Variants in TENM2 observed in about 807,000 individuals in gnomAD.
TENM2 encodes the protein teneurin-2.
A neutral mutation model predicts 245.2 loss-of-function variants in TENM2; 52 were observed. The observed-to-expected ratio is 0.21, with a 90% confidence interval of 0.17 to 0.27. TENM2 has a LOEUF of 0.27. Ranked by LOEUF, TENM2 falls within the 10% of genes least tolerant of loss-of-function variation. The pLI, the probability that TENM2 is intolerant of heterozygous loss-of-function variation, is 1.00. For synonymous variants in TENM2, 1,363 were observed against 1,438.9 expected (o/e 0.95, Z 1.19); for missense variants, 3,046 against 3,666.8 (o/e 0.83, Z 4.37).
intron 2 of TENM2, among the ~76,000 whole-genome samples, chr5:167,502,928 C>G (rs977579202): frequency 6.6e-6 from 1 of 152,184 alleles, no homozygotes; most frequent in African/African-American, 2.4e-5. Context: ...CTCCTGGGTT[C>G]AAGCAATCCT....
At chr5:167,498,008 A>T (rs570245747) in intron 2 of TENM2, among the ~76,000 whole-genome samples, 6 of 152,270 alleles carry the variant, frequency 3.9e-5, no homozygotes, top group African/African-American at 1.2e-4. Context: ...CCTCAGAATT[A>T]TGTCGAGAAG....
At chr5:167,475,006 T>C (rs1010731005) in intron 2 of TENM2, among the ~76,000 whole-genome samples, 1 of 152,186 alleles carries the variant, frequency 6.6e-6, no homozygotes, top group African/African-American at 2.4e-5. Context: ...GGCAGATATA[T>C]CTCCTCCAAG....
intron 3 of TENM2, among the ~76,000 whole-genome samples, chr5:167,904,414 T>C (rs1253437912): frequency 6.6e-6 from 1 of 152,234 alleles, no homozygotes; most frequent in Non-Finnish European, 1.5e-5. Flanking sequence ...CATTGATGTG[T>C]GTGTTAATTA....
the TENM2 span, among the ~76,000 whole-genome samples, chr5:167,105,471 G>A: frequency 2.6e-5 from 4 of 152,108 alleles, no homozygotes; most frequent in African/African-American, 9.7e-5. Flanking sequence ...TCAAATGTGA[G>A]TCTAACACCA....
chr5:167,402,738 G>A (rs1270366837), intron 2 of TENM2, among the ~76,000 whole-genome samples: 1 of 152,040 alleles, frequency 6.6e-6, no homozygotes, highest in Non-Finnish European at 1.5e-5. Context: ...TATTTTTAAT[G>A]TCTTTTATTC....
At chr5:167,484,679 C>T (rs1767956583) in intron 2 of TENM2, among the ~76,000 whole-genome samples, 1 of 152,168 alleles carries the variant, frequency 6.6e-6, no homozygotes, top group South Asian at 2.1e-4. Context: ...CATTAAAACA[C>T]ACTAAAGAAA....
At chr5:167,028,841 C>T in the TENM2 span, among the ~76,000 whole-genome samples, 1 of 152,016 alleles carries the variant, frequency 6.6e-6, no homozygotes, top group Admixed American at 6.5e-5. Flanking sequence ...CGAAGCTCTG[C>T]CACTAATGAG....
At chr5:167,134,696 T>C in the TENM2 span, among the ~76,000 whole-genome samples, 7 of 152,192 alleles carry the variant, frequency 4.6e-5, no homozygotes, top group Non-Finnish European at 7.3e-5. Flanking sequence ...CAACGCTGTT[T>C]TATTGGACAA....
Position 168,018,501 on chromosome 5 carries a change from T to C in TENM2, c.1186+25319T>C, listed in dbSNP as rs535822277. On this transcript the variant is annotated intron_variant, in intron 5 of 28. Coordinates refer to ENST00000518659, the Ensembl canonical transcript of TENM2. Reference sequence around the variant, plus strand: ...CTTGGGTCTCTTTTGTTGATGACAATTTTGAGCTGGAGTAACTGCAGATAT... The same window carrying C: ...CTTGGGTCTCTTTTGTTGATGACAACTTTGAGCTGGAGTAACTGCAGATAT... Among the ~76,000 whole-genome samples, 10 of 152,094 alleles carry C rather than the reference T, an allele frequency of 6.6e-5. No individual in the cohort carries two copies. The South Asian group carries it at 2.1e-3, about 32-fold the overall frequency.
At chr5:167,419,414 T>G (rs1408564431) in intron 2 of TENM2, among the ~76,000 whole-genome samples, 1 of 152,162 alleles carries the variant, frequency 6.6e-6, no homozygotes, top group Non-Finnish European at 1.5e-5. Flanking sequence ...TGAGCTGAGA[T>G]GGTGCCACCG....
chr5:167,452,189 A>C (rs1765627354), intron 2 of TENM2, among the ~76,000 whole-genome samples: 1 of 152,156 alleles, frequency 6.6e-6, no homozygotes, highest in Non-Finnish European at 1.5e-5. Context: ...CTGGCTTCTG[A>C]GTGGGGTGAC....
At chr5:168,223,997 G>T (rs1393224432) in intron 23 of TENM2, among the ~76,000 whole-genome samples, 1 of 151,368 alleles carries the variant, frequency 6.6e-6, no homozygotes, top group Non-Finnish European at 1.5e-5. Flanking sequence ...ATTTGTGTAT[G>T]CCAATAAATA....
intron 2 of TENM2, among the ~76,000 whole-genome samples, chr5:167,709,580 G>A (rs750013997): frequency 3.9e-5 from 6 of 152,216 alleles, no homozygotes; most frequent in Non-Finnish European, 5.9e-5. Context: ...TTGCAACAGG[G>A]CAGCAGGAGT....
At chr5:167,597,217 T>G (rs1241363162) in intron 2 of TENM2, among the ~76,000 whole-genome samples, 3 of 148,458 alleles carry the variant, frequency 2.0e-5, no homozygotes, top group African/African-American at 7.4e-5. Context: ...CAGGCTAGAG[T>G]GCAGTGGCAC....
intron 23 of TENM2, among the ~76,000 whole-genome samples, chr5:168,221,708 T>C (rs1398186877): frequency 1.3e-5 from 2 of 152,182 alleles, no homozygotes; most frequent in Non-Finnish European, 2.9e-5. Flanking sequence ...TTTCCCCAGA[T>C]GCAGGCCACT....
chr5:168,165,637 TCCCCCCCCCAACCCCCC>T (rs370989339), intron 13 of TENM2, among the ~76,000 whole-genome samples: 4,642 of 22,640 alleles, frequency 0.21, 937 homozygotes, highest in Middle Eastern at 0.33. Context: ...CAATTCAGGA[TCCCCCCCCCAACCCCCC>T]CCCCCCCCCC....
intron 2 of TENM2, among the ~76,000 whole-genome samples, chr5:167,545,745 A>G (rs138830295): frequency 1.5e-3 from 228 of 152,292 alleles, no homozygotes; most frequent in African/African-American, 5.3e-3. Context: ...CTGCTCTAAG[A>G]CTGCATTTTA....
chr5:167,552,953 G>A (rs1460778352), intron 2 of TENM2, among the ~76,000 whole-genome samples: 5 of 126,570 alleles, frequency 4.0e-5, no homozygotes, highest in African/African-American at 6.0e-5. Context: ...GAATGAATAA[G>A]TGAGACATAG....
intron 10 of TENM2, among the ~76,000 whole-genome samples, chr5:168,122,360 T>G (rs1055733215): frequency 6.6e-6 from 1 of 152,108 alleles, no homozygotes; most frequent in Non-Finnish European, 1.5e-5. Context: ...GTATTTTTAG[T>G]AGAGACAGAG....
Sources: gnomAD v4.1 joint callset for allele counts (sites outside exome capture counted in the v4.1 genomes callset) on GRCh38, gnomAD v4.1.1 for gene constraint, MANE v1.5 for transcripts, NCBI Gene and HGNC (gene_info 2026-07-23, HGNC 2026-07-21) for gene names.